The following RNF17 variants were observed in gnomAD, a reference collection of about 807,000 sequenced individuals.
The protein encoded by RNF17 is spermatogenesis associated 23.
Under a neutral mutation model 200.5 loss-of-function variants are expected in RNF17, and 31 were observed. The observed-to-expected ratio is 0.15, with a 90% CI of 0.12 to 0.21. The LOEUF (loss-of-function observed/expected upper bound fraction) is 0.21, where lower values mean the gene tolerates loss of function less well. Among genes scored for constraint, RNF17 ranks in the 10% least tolerant of loss-of-function variants. The pLI is 1.00. For missense variants in RNF17, 1,628 were observed against 1,905.1 expected, an observed-to-expected ratio of 0.85 and a Z score of 2.71; for synonymous variants, 606 against 637.8, an observed-to-expected ratio of 0.95 and a Z score of 0.75.
chr13:24,799,639 G>A, intron 12 of RNF17, 55 bp downstream of exon 12: 1 of 1,143,228 alleles, frequency 8.7e-7, no homozygotes, highest in South Asian at 1.5e-5. Flanking sequence ...TTTGGAGGGA[G>A]GTGGAGTTAA....
intron 20 of RNF17, 39 bp downstream of exon 20, chr13:24,844,010 A>G (rs937753461): frequency 3.7e-5 from 22 of 598,178 alleles, no homozygotes; most frequent in Non-Finnish European, 4.6e-5. Context: ...AAAATATTGC[A>G]TATGATTTTA....
At chr13:24,808,435 GCTCT>G (rs1401480231) in intron 15 of RNF17, among the ~76,000 whole-genome samples, 3 of 136,078 alleles carry the variant, frequency 2.2e-5, no homozygotes, top group South Asian at 2.5e-4. Flanking sequence ...TCATGATTTG[GCTCT>G]CTGTTTGTCT....
chr13:24,750,164 C>A, the RNF17 span, among the ~76,000 whole-genome samples: 1 of 152,114 alleles, frequency 6.6e-6, no homozygotes, highest in South Asian at 2.1e-4. Flanking sequence ...TTCAGATTAT[C>A]GCTACTTCAG....
chr13:24,859,182 T>C lies in RNF17; in HGVS notation c.3774+18T>C. On this transcript the variant is annotated intron_variant, in intron 26 of 35. Transcript: ENST00000255324. Reference sequence around the variant, plus strand: ...CTGTCAGAGTGAGTCTGATATTCTTTTGTGACAATTCTAAAGCTAAATGCT... The same window carrying C: ...CTGTCAGAGTGAGTCTGATATTCTTCTGTGACAATTCTAAAGCTAAATGCT... 6.4e-7 allele frequency: 1 copy of C among 1,552,112 alleles called. No individual in the cohort carries two copies. The highest frequency in any genetic ancestry group is 8.7e-7 in the Non-Finnish European group (1 of 1,144,164).
At chr13:24,775,344 GTCT>G (rs2137515816) in intron 3 of RNF17, among the ~76,000 whole-genome samples, 1 of 152,256 alleles carries the variant, frequency 6.6e-6, no homozygotes, top group African/African-American at 2.4e-5. Flanking sequence ...CAGACTCCTG[GTCT>G]CAAGCTAGCC....
At chr13:24,771,067 C>T (rs972141972) in intron 2 of RNF17, among the ~76,000 whole-genome samples, 2 of 152,200 alleles carry the variant, frequency 1.3e-5, no homozygotes, top group African/African-American at 4.8e-5. Flanking sequence ...ATCAGTGCCT[C>T]TTCTGTGTGG....
In RNF17 at chr13:24,879,249, G is replaced by T; in HGVS notation, c.4836G>T (p.Pro1612=). The part of the protein sequence containing the change: ...YDDEQHPVHM[P]LVEMGLADKD... ...ATGAACAGCATCCAGTTCATATGCC[G>T]TTGGTAGAAATGGGGCTTGCAGATA... The change falls in exon 35 of 36, where the codon CCG becomes CCT. Residue 1612 remains proline (P), a synonymous_variant. Transcript: ENST00000255324. The T allele has an allele frequency of 6.2e-7, 1 of 1,613,554 alleles. No individual in the cohort carries two copies. Among genetic ancestry groups the T allele is most frequent in the Non-Finnish European group, 8.5e-7 (1 of 1,179,484 alleles).
chr13:24,798,164 GTGTTTGGGGTCTTT>G (rs1884829821), intron 11 of RNF17, among the ~76,000 whole-genome samples: 1 of 152,146 alleles, frequency 6.6e-6, no homozygotes, highest in Non-Finnish European at 1.5e-5. Flanking sequence ...AATATTAGAA[GTGTTTGGGGTCTTT>G]ATAAGTTTGA....
At chr13:24,773,306 G>A (rs148525762) in intron 2 of RNF17, among the ~76,000 whole-genome samples, 3 of 152,230 alleles carry the variant, frequency 2.0e-5, no homozygotes, top group Non-Finnish European at 2.9e-5. Flanking sequence ...CAACCTATGC[G>A]TCCCATCATT....
chr13:24,823,438 C>G (rs1888292368), intron 15 of RNF17, among the ~76,000 whole-genome samples: 1 of 152,146 alleles, frequency 6.6e-6, no homozygotes, highest in African/African-American at 2.4e-5. Context: ...GTTTCAAAGA[C>G]CATTCCTTGT....
intron 15 of RNF17, among the ~76,000 whole-genome samples, chr13:24,816,456 T>G (rs1238615378): frequency 6.6e-6 from 1 of 152,114 alleles, no homozygotes; most frequent in Non-Finnish European, 1.5e-5. Context: ...CCATAGCTGC[T>G]TACCACAATA....
intron 26 of RNF17, among the ~76,000 whole-genome samples, chr13:24,860,716 A>G (rs1179883583): frequency 6.6e-6 from 1 of 152,216 alleles, no homozygotes; most frequent in Admixed American, 6.5e-5. Flanking sequence ...AGGAATTTGT[A>G]AATCCAATAA....
At chr13:24,807,282 C>G (rs1886007321) in intron 15 of RNF17, among the ~76,000 whole-genome samples, 3 of 151,608 alleles carry the variant, frequency 2.0e-5, no homozygotes, top group South Asian at 4.2e-4. Context: ...AAAAGTGTTC[C>G]TATTTCTCCA....
intron 28 of RNF17, among the ~76,000 whole-genome samples, chr13:24,863,356 CAG>C (rs1274125831): frequency 6.6e-6 from 1 of 152,056 alleles, no homozygotes; most frequent in East Asian, 1.9e-4. Flanking sequence ...CACAAAGGTA[CAG>C]AGAGACATTT....
rs117761620 is a variant in RNF17, at chr13:24,780,531, C to G, written c.510+784C>G. Among the ~76,000 whole-genome samples, 714 of 152,176 alleles carry G rather than the reference C, an allele frequency of 4.7e-3. 7 individuals carry two copies. Among genetic ancestry groups the G allele is most frequent in the Middle Eastern group, 0.02 (6 of 294 alleles). On this transcript the variant is annotated intron_variant, in intron 5 of 35. Transcript: ENST00000255324. ...CCTTCTCCATGCAAGATACATTCAC[C>G]CCATCCTGACACCCCCAAAAGTTTA...
At chr13:24,804,508 C>T (rs1885615658) in intron 15 of RNF17, 79 bp downstream of exon 15, 1 of 1,133,528 alleles carries the variant, frequency 8.8e-7, no homozygotes, top group Non-Finnish European at 1.2e-6. Context: ...TGAGTATCTA[C>T]CGTCAATTTT....
At chr13:24,764,092 C>T, upstream of RNF17, 1 of 1,056,558 alleles carries the variant, frequency 9.5e-7, no homozygotes, top group Non-Finnish European at 1.4e-6. Flanking sequence ...GGGCTTTAAT[C>T]TCCCGGCCCA....
At chr13:24,869,638 G>C (rs1257423031) in intron 31 of RNF17, among the ~76,000 whole-genome samples, 6 of 152,160 alleles carry the variant, frequency 3.9e-5, no homozygotes, top group Non-Finnish European at 8.8e-5. Flanking sequence ...CTCTCCAGTT[G>C]TCTGCTTGCA....
intron 2 of RNF17, among the ~76,000 whole-genome samples, chr13:24,770,304 A>C (rs1880478566): frequency 6.6e-6 from 1 of 152,182 alleles, no homozygotes; most frequent in South Asian, 2.1e-4. Context: ...GCAAAACACC[A>C]TCATAAATAA....
Sources: gnomAD v4.1 joint callset for allele counts (sites outside exome capture counted in the v4.1 genomes callset) on GRCh38, gnomAD v4.1.1 for gene constraint, MANE v1.5 for transcripts, NCBI Gene and HGNC (gene_info 2026-07-23, HGNC 2026-07-21) for gene names.